The following ALG12 variants were observed in gnomAD, a reference collection of about 807,000 sequenced individuals.
ALG12 encodes ALG12 alpha-1,6-mannosyltransferase.
A neutral mutation model predicts 46.0 loss-of-function variants in ALG12; 36 were observed. That is an observed-to-expected ratio of 0.78 (90% confidence interval 0.60 to 1.03). ALG12 has a LOEUF of 1.03. Among genes scored for constraint, ALG12 ranks in the 50% least tolerant of loss-of-function variants. The pLI is 0.00. For missense variants in ALG12, 599 were observed against 633.5 expected, an observed-to-expected ratio of 0.95 and a Z score of 0.58; for synonymous variants, 326 against 291.6, an observed-to-expected ratio of 1.12 and a Z score of -1.20.
chr22:49,913,369 T>C lies in ALG12; in HGVS notation c.295+16A>G, dbSNP rs1301121989. The C allele has an allele frequency of 1.2e-6, 2 of 1,613,586 alleles. No individual in the cohort carries two copies. Among genetic ancestry groups the C allele is most frequent in the Non-Finnish European group, 1.7e-6 (2 of 1,180,020 alleles). On this transcript the variant is annotated intron_variant, in intron 3 of 9. Coordinates refer to ENST00000330817, the MANE Select transcript of ALG12 (RefSeq NM_024105.4). ...CAGTCCCTCACTCCCTCCTCCTTTGTTGAAGACCCCCTTACCTATTAGCTG... is the reference window on the plus strand; with the variant it reads ...CAGTCCCTCACTCCCTCCTCCTTTGCTGAAGACCCCCTTACCTATTAGCTG...
At chr22:49,911,920 A>AATGCCCAACAATCTCAACCCC (rs1376450353) in intron 3 of ALG12, among the ~76,000 whole-genome samples, 5 of 151,960 alleles carry the variant, frequency 3.3e-5, no homozygotes, top group African/African-American at 1.2e-4. Context: ...CATCTTCCCA[A>AATGCCCAACAATCTCAACCCC]ATGCCCAACA....
rs757188911 is a variant in ALG12, at chr22:49,913,713, A to G, written c.53T>C (p.Val18Ala). Residue 18 changes from valine (V) to alanine (A), a missense_variant, in exon 2 of 10, where the codon GTG (valine) becomes GCG (alanine). By Grantham distance (64) the Val-to-Ala change is moderately conservative. Coordinates refer to ENST00000330817, the MANE Select transcript of ALG12 (RefSeq NM_024105.4). ...GRRPLLLGLL[V>A]AVATVHLVIC... is the part of the protein sequence containing the mutation. ...GACCAGGTGGACAGTGGCTACGGCC[A>G]CCAGCAGCCCCAGCAGCAGGGGCCG... The G allele has an allele frequency of 1.2e-6, 2 of 1,613,336 alleles. No individual in the cohort carries two copies. The highest frequency in any genetic ancestry group is 2.2e-5 in the South Asian group (2 of 91,078).
the ALG12 span, among the ~76,000 whole-genome samples, chr22:49,863,957 C>T: frequency 1.3e-5 from 2 of 152,196 alleles, no homozygotes; most frequent in African/African-American, 2.4e-5. Flanking sequence ...GACATCATTC[C>T]TGAACTCTCT....
chr22:49,891,801 TG>T, the ALG12 span, among the ~76,000 whole-genome samples: 1 of 152,192 alleles, frequency 6.6e-6, no homozygotes, highest in African/African-American at 2.4e-5. Context: ...TGCATAGTTT[TG>T]TCATAATATG....
At chr22:49,895,742 A>T (rs1208776365), downstream of ALG12, among the ~76,000 whole-genome samples, 1 of 152,216 alleles carries the variant, frequency 6.6e-6, no homozygotes, top group Non-Finnish European at 1.5e-5. Context: ...TTTACAATTA[A>T]CATTTAGTTT....
At chr22:49,864,942 C>CGCCG in the ALG12 span, among the ~76,000 whole-genome samples, 1 of 9,548 alleles carries the variant, frequency 1.0e-4, no homozygotes, top group Non-Finnish European at 3.1e-4. Context: ...AGCAAGCCCC[C>CGCCG]CCCCCCCCCC....
chr22:49,868,439 G>T, the ALG12 span, among the ~76,000 whole-genome samples: 1 of 152,030 alleles, frequency 6.6e-6, no homozygotes, highest in Non-Finnish European at 1.5e-5. Flanking sequence ...AAATTAACTG[G>T]GTGGTGGCAC....
chr22:49,863,175 T>G, the ALG12 span, among the ~76,000 whole-genome samples: 1 of 151,932 alleles, frequency 6.6e-6, no homozygotes, highest in Admixed American at 6.6e-5. Context: ...GTAGATTGTG[T>G]TTGGTTGGTT....
chr22:49,910,238 C>G, intron 4 of ALG12, 150 bp from the exon 5 acceptor site: 1 of 1,195,276 alleles, frequency 8.4e-7, no homozygotes, highest in South Asian at 1.4e-5. Flanking sequence ...CTCCCCGCAC[C>G]TATGCTGTTG....
chr22:49,886,855 T>A, the ALG12 span: 4 of 1,614,068 alleles, frequency 2.5e-6, no homozygotes, highest in Non-Finnish European at 3.4e-6. This position sits in a 1 kb window ranked among gnomAD's most constrained non-coding sequence, Gnocchi z 7.7. Flanking sequence ...GGAGAACCTG[T>A]GGTCACTTGT....
intron 4 of ALG12, 87 bp downstream of exon 4, chr22:49,910,347 G>C: frequency 2.0e-6 from 3 of 1,513,428 alleles, no homozygotes; most frequent in Non-Finnish European, 2.7e-6. Context: ...CATTACGGGG[G>C]AGGCACTGCC....
chr22:49,879,161 C>G, the ALG12 span, among the ~76,000 whole-genome samples: 1 of 144,174 alleles, frequency 6.9e-6, no homozygotes, highest in African/African-American at 2.5e-5. Context: ...AAACAAAAAA[C>G]AAAAAAAAAC....
In ALG12 at chr22:49,900,902, C is replaced by T. The variant is rs566342004; in HGVS notation, c.*2936G>A. The T allele has an allele frequency of 3.9e-5, 6 of 152,448 alleles. No individual in the cohort carries two copies. Among genetic ancestry groups the T allele is most frequent in the Admixed American group, 2.0e-4 (3 of 15,314 alleles). The allele number at this position is 152,448 out of a possible 1,614,324, so 9.4% of individuals were successfully genotyped here. ...CAGGCACCCCGTGGCATCGAGCACA[C>T]CTCGTGTCTAGATCCCGGTCTCTAA... On this transcript the variant is annotated 3_prime_UTR_variant, in exon 10 of 10. Transcript: ENST00000330817.
In ALG12 at chr22:49,904,349, GC is replaced by G; in HGVS notation, c.1149del (p.Gln386ArgfsTer75). On this transcript the variant is annotated frameshift_variant, in exon 8 of 10. Transcript: ENST00000330817. LOFTEE classifies it high-confidence loss of function. ...GVAMQRLHQL[V>X]PPQTDVLLHI... The stretch of plus-strand genomic sequence containing the variant: ...CCCCAGCACCCACCTGTCTGGGGGG[GC>G]ACCAGCTGGTGCAGCCTCTGCATTG... 6.2e-7 allele frequency: 1 copy of G among 1,614,204 alleles called. No homozygotes were observed. The highest frequency in any genetic ancestry group is 2.2e-5 in the East Asian group (1 of 44,878).
chr22:49,883,202 G>C, the ALG12 span: 2 of 152,702 alleles, frequency 1.3e-5, no homozygotes, highest in African/African-American at 4.8e-5. Context: ...GGAAGTCAGA[G>C]AACAAGTTTT....
At chr22:49,918,004 GGGCCC>G (rs2060627031) in intron 1 of ALG12, among the ~76,000 whole-genome samples, 3 of 95,102 alleles carry the variant, frequency 3.2e-5, no homozygotes, top group Admixed American at 9.2e-5. Flanking sequence ...GTGAGAGGTC[GGGCCC>G]CCGGATGAGA....
chr22:49,917,934 C>G (rs80187840), intron 1 of ALG12, among the ~76,000 whole-genome samples: 5,832 of 150,636 alleles, frequency 0.039, 277 homozygotes, highest in African/African-American at 0.11. Flanking sequence ...ACCCATCCCC[C>G]AGGTGGGAGG....
At chr22:49,867,079 C>T in the ALG12 span, among the ~76,000 whole-genome samples, 1 of 152,198 alleles carries the variant, frequency 6.6e-6, no homozygotes, top group African/African-American at 2.4e-5. Flanking sequence ...TCAGCTGCAT[C>T]TCATCCATTT....
chr22:49,906,990 C>T lies in ALG12; in HGVS notation c.992+731G>A, dbSNP rs375356383. ...GCCCTCCCCAGGCCCTGCCAGGCCC[C>T]CAGCTCCACCTCCATCACCTGCTGC... On this transcript the variant is annotated intron_variant, in intron 7 of 9. Coordinates refer to ENST00000330817, the MANE Select transcript of ALG12 (RefSeq NM_024105.4). This position sits in a 1 kb window ranked among gnomAD's most constrained non-coding sequence, Gnocchi z 4.4. 6.6e-6 allele frequency among the ~76,000 whole-genome samples: 1 copy of T among 152,142 alleles called. No homozygotes were observed. The highest frequency in any genetic ancestry group is 1.9e-4 in the East Asian group (1 of 5,178).
Sources: gnomAD v4.1 joint callset for allele counts (sites outside exome capture counted in the v4.1 genomes callset) on GRCh38, gnomAD v4.1.1 for gene constraint, Gnocchi (gnomAD v3.1) non-coding constraint, MANE v1.5 for transcripts, NCBI Gene and HGNC (gene_info 2026-07-23, HGNC 2026-07-21) for gene names.